NFKBID: variants seen among roughly 807,000 people sequenced by gnomAD.
NFKBID encodes NF-kappa-B inhibitor delta.
NFKBID carries 26 observed loss-of-function variants against 53.4 expected under a neutral mutation model. That is an observed-to-expected ratio of 0.49 (90% CI 0.36 to 0.68). NFKBID has a LOEUF of 0.68. Among genes scored for constraint, NFKBID ranks in the 30% least tolerant of loss-of-function variants. The pLI is 0.00. For missense variants in NFKBID, 493 were observed against 614.1 expected, an observed-to-expected ratio of 0.80 and a Z score of 2.08; for synonymous variants, 262 against 259.8, an observed-to-expected ratio of 1.01 and a Z score of -0.08.
upstream of NFKBID, among the ~76,000 whole-genome samples, chr19:35,900,847 T>TTTG (rs1478596395): frequency 8.9e-5 from 13 of 145,636 alleles, no homozygotes; most frequent in African/African-American, 2.9e-4. Flanking sequence ...TTTTTTTTTT[T>TTTG]TTGTTGTTGT....
intron 3 of NFKBID, 123 bp from the exon 4 acceptor site, chr19:35,897,979 C>CG: frequency 4.6e-6 from 3 of 647,764 alleles, no homozygotes; most frequent in Non-Finnish European, 8.0e-6. Flanking sequence ...ACACCAAGCT[C>CG]CCGGGACCTG....
chr19:35,888,493 G>A (rs1256478534), exon 12 of NFKBID: 5 of 1,130,950 alleles, frequency 4.4e-6, no homozygotes, highest in Non-Finnish European at 1.3e-6. Context: ...TGCAACATTA[G>A]CATACGCTGG....
rs746643252 is a variant in NFKBID at position 35,896,169 on chromosome 19, C to T, written c.884-41G>A. The stretch of plus-strand genomic sequence containing the variant: ...AGTGAGGGACCCGCATCTGCACCCA[C>T]CTCGCCCAGCCACACCAACCACACC... On this transcript the variant is annotated intron_variant, in intron 8 of 11. Coordinates refer to ENST00000641389, the Ensembl canonical transcript of NFKBID. The surrounding 1 kb of genome is among the most constrained non-coding windows in gnomAD (Gnocchi z 5.7). 6.2e-7 allele frequency: 1 copy of T among 1,613,902 alleles called. No homozygotes were observed. Among genetic ancestry groups the T allele is most frequent in the South Asian group, 1.1e-5 (1 of 91,046 alleles).
Position 35,888,631 on chromosome 19 carries a change from A to G in NFKBID, c.1315-19T>C. ...GCCGGAGCTGTAGACAAGGCAAAGG[A>G]GGGAGAGAAGTCTGTCAGGTTGGAA... On this transcript the variant is annotated intron_variant, in intron 11 of 11. Coordinates refer to ENST00000641389, the Ensembl canonical transcript of NFKBID. 1 of 1,565,242 alleles carries G rather than the reference A, an allele frequency of 6.4e-7. No homozygotes were observed. Among genetic ancestry groups the G allele is most frequent in the South Asian group, 1.2e-5 (1 of 85,152 alleles).
rs1281089526 is a variant in NFKBID, at chr19:35,898,705, C to T, written c.165+14G>A. On this transcript the variant is annotated intron_variant, in intron 2 of 11. Coordinates refer to ENST00000641389, the Ensembl canonical transcript of NFKBID. ...GCACGGGGCCTCCGGAGAGCTGTGG[C>T]TCCCTGGCCTCACCTGCACCCCGCC... is the stretch of plus-strand genomic sequence containing the variant. 1 of 1,534,232 alleles carries T rather than the reference C, an allele frequency of 6.5e-7. No individual in the cohort carries two copies. Among genetic ancestry groups the T allele is most frequent in the South Asian group, 1.2e-5 (1 of 83,972 alleles).
intron 4 of NFKBID, chr19:35,897,395 C>A: frequency 1.8e-6 from 1 of 568,608 alleles, no homozygotes; most frequent in Non-Finnish European, 3.1e-6. Context: ...GCTAGGATTA[C>A]AGGCGTGCGC....
upstream of NFKBID, chr19:35,901,417 G>C (rs1173897739): frequency 6.6e-6 from 1 of 152,118 alleles, no homozygotes; most frequent in Non-Finnish European, 1.5e-5. Flanking sequence ...TATTGCAGCA[G>C]AGGAGGCATT....
chr19:35,897,263 T>TC (rs34292750), intron 4 of NFKBID, among the ~76,000 whole-genome samples: 3,377 of 152,034 alleles, frequency 0.022, 62 homozygotes, highest in East Asian at 0.07. Context: ...AAGGGTATTT[T>TC]TTTTTTTCGG....
At position 35,888,353 on chromosome 19, in the gene NFKBID, G is replaced by T. The variant is rs1166158332; in HGVS notation, c.*206C>A. 1.1e-5 allele frequency: 6 copies of T among 559,490 alleles called. No homozygotes were observed. In the East Asian group the frequency reaches 1.8e-4, roughly 17 times the overall value. The allele number at this position is 559,490 out of a possible 1,614,324, so 34.7% of individuals were successfully genotyped here. A position where few individuals can be genotyped will look rare whatever the true frequency, so the allele number is the denominator to read the frequency against. On this transcript the variant is annotated 3_prime_UTR_variant, in exon 12 of 12. Transcript: ENST00000641389. Reference sequence around the variant, plus strand: ...CGATTTCACAGAAATCATCAAGAGGGCTCCTTGTGGGTAGAAGAGGGGTAT... The same window carrying T: ...CGATTTCACAGAAATCATCAAGAGGTCTCCTTGTGGGTAGAAGAGGGGTAT...
At chr19:35,898,510 T>C in exon 3 of NFKBID, 1 of 1,533,626 alleles carries the variant, frequency 6.5e-7, no homozygotes, top group Non-Finnish European at 8.7e-7. Flanking sequence ...CAGGGGCTGC[T>C]CTGGGGGAGG....
chr19:35,890,568 A>G lies in NFKBID; in HGVS notation c.1033-78T>C, dbSNP rs759001894. On this transcript the variant is annotated intron_variant, in intron 9 of 11. Coordinates refer to ENST00000641389, the Ensembl canonical transcript of NFKBID. ...TCCCACAGAATCCAGGAGTCTTTAA[A>G]GACCCTGACCCTTGGCGGAGTGCGG... 1.7e-5 allele frequency: 17 copies of G among 975,676 alleles called. No individual in the cohort carries two copies. In the African/African-American group the frequency reaches 2.6e-4, roughly 15 times the overall value. 60.4% of individuals were successfully genotyped at this position (975,676 alleles called of 1,614,324 possible).
chr19:35,899,794 G>C (rs1050440034), intron 1 of NFKBID: 2 of 152,220 alleles, frequency 1.3e-5, no homozygotes, highest in Non-Finnish European at 2.9e-5. Context: ...AAACAGCCCC[G>C]ACGCGGCGCG....
At chr19:35,892,049 A>ATTGTTG (rs769378379) in intron 9 of NFKBID, among the ~76,000 whole-genome samples, 1 of 150,890 alleles carries the variant, frequency 6.6e-6, no homozygotes, top group Non-Finnish European at 1.5e-5. Context: ...ATCTTTTATT[A>ATTGTTG]TTGTTGTTGT....
At chr19:35,890,485 G>T in exon 10 of NFKBID, 4 of 1,610,858 alleles carry the variant, frequency 2.5e-6, no homozygotes, top group Non-Finnish European at 3.4e-6. Flanking sequence ...TGTTGCTCTT[G>T]ATCTCCTGAG....
intron 1 of NFKBID, 57 bp from the exon 2 acceptor site, chr19:35,898,879 G>A (rs1341718196): frequency 4.4e-6 from 6 of 1,364,462 alleles, no homozygotes; most frequent in East Asian, 2.5e-5. Flanking sequence ...CCTAAATGCC[G>A]CGGGGGTGGC....
rs182289452 is a variant in NFKBID, at chr19:35,891,354, C to T, written c.1033-864G>A. 2.7e-3 allele frequency among the ~76,000 whole-genome samples: 414 copies of T among 152,018 alleles called. 1 individual carries two copies. The highest frequency in any genetic ancestry group is 6.8e-3 in the Middle Eastern group (2 of 294). ...ACAGGGCAAAACCACCTAGTTTGCT[C>T]GTCCAAAAAATGATGAAGACAAAAC... On this transcript the variant is annotated intron_variant, in intron 9 of 11. Coordinates refer to ENST00000641389, the Ensembl canonical transcript of NFKBID.
chr19:35,894,584 G>C (rs188404489), intron 9 of NFKBID, among the ~76,000 whole-genome samples: 138 of 152,226 alleles, frequency 9.1e-4, no homozygotes, highest in Admixed American at 3.7e-3. Context: ...TGTGATCACA[G>C]CTACTTGGGA....
At chr19:35,900,827 C>CTTTTTTTTTT (rs60365058), upstream of NFKBID, among the ~76,000 whole-genome samples, 26 of 107,606 alleles carry the variant, frequency 2.4e-4, no homozygotes, top group Admixed American at 3.0e-4. Context: ...TTTTTCTTTT[C>CTTTTTTTTTT]TTTTTTTTTT....
At chr19:35,895,177 C>G (rs1975049138) in intron 9 of NFKBID, among the ~76,000 whole-genome samples, 1 of 151,820 alleles carries the variant, frequency 6.6e-6, no homozygotes, top group African/African-American at 2.4e-5. Context: ...TAATATTATT[C>G]CCAGTTAACA....
Sources: gnomAD v4.1 joint callset for allele counts (sites outside exome capture counted in the v4.1 genomes callset) on GRCh38, gnomAD v4.1.1 for gene constraint, Gnocchi (gnomAD v3.1) non-coding constraint, MANE v1.5 for transcripts, NCBI Gene and HGNC (gene_info 2026-07-23, HGNC 2026-07-21) for gene names.